KIAA1671: variants seen among roughly 807,000 people sequenced by gnomAD.
KIAA1671 encodes the protein uncharacterized protein KIAA1671.
A neutral mutation model predicts 131.2 loss-of-function variants in KIAA1671; 52 were observed. The ratio of observed to expected loss-of-function variants is 0.40; its 90% CI spans 0.32 to 0.50. The LOEUF is 0.50. Among genes scored for constraint, KIAA1671 ranks in the 20% least tolerant of loss-of-function variants. The pLI is 0.73. For synonymous variants in KIAA1671, 1,003 were observed against 961.6 expected (o/e 1.04, Z -0.80); for missense variants, 2,360 against 2,364.2 (o/e 1.00, Z 0.04).
chr22:25,177,474 C>G lies in KIAA1671; in HGVS notation c.5026C>G (p.Pro1676Ala). 6.4e-7 allele frequency: 1 copy of G among 1,551,726 alleles called. No homozygotes were observed. The highest frequency in any genetic ancestry group is 2.0e-5 in the Admixed American group (1 of 51,008). The change falls in exon 9 of 13, where the codon CCT (proline) becomes GCT (alanine). Residue 1676 changes from proline to alanine, a missense_variant. Transcript: ENST00000358431. Reference protein sequence around the residue: ...SRFSESESRSPLEDETDNTWM... With the variant: ...SRFSESESRSALEDETDNTWM... ...ATTTAGTGAGTCCGAGAGCAGATCA[C>G]CTTTGGAGGATGAGACTGACAACAC...
intron 1 of KIAA1671, among the ~76,000 whole-genome samples, chr22:24,960,654 C>CTTTTTTTTTTTTTTTTTT: frequency 2.8e-5 from 2 of 71,540 alleles, no homozygotes; most frequent in Non-Finnish European, 5.0e-5. Flanking sequence ...TTTTCAGGTT[C>CTTTTTTTTTTTTTTTTTT]TTTTTTTTTT....
chr22:25,128,636 T>C (rs1221263260), intron 6 of KIAA1671, among the ~76,000 whole-genome samples: 1 of 152,090 alleles, frequency 6.6e-6, no homozygotes, highest in Non-Finnish European at 1.5e-5. Flanking sequence ...ACTCCCCTAA[T>C]TGGTACCCTC....
chr22:25,132,716 C>T (rs1044285448), intron 6 of KIAA1671, among the ~76,000 whole-genome samples: 9 of 152,186 alleles, frequency 5.9e-5, no homozygotes, highest in African/African-American at 2.2e-4. Context: ...GTTCTCCTCA[C>T]TTTCACAGCC....
At position 25,177,418 on chromosome 22, in the gene KIAA1671, C is replaced by A; in HGVS notation, c.4970C>A (p.Ala1657Asp). 1 of 1,551,764 alleles carries A rather than the reference C, an allele frequency of 6.4e-7. No homozygotes were observed. Among genetic ancestry groups the A allele is most frequent in the Admixed American group, 2.0e-5 (1 of 51,008 alleles). ...VQLSKRSRRR[A>D]PISHSLRRSR... ...CTCAGCAAGAGAAGCCGCCGCCGGG[C>A]CCCCATCTCCCACTCCCTCCGGCGC... is the stretch of plus-strand genomic sequence containing the variant. Residue 1657 changes from alanine to aspartate, a missense_variant, in exon 9 of 13, where the codon GCC (alanine) becomes GAC (aspartate). This residue lies in a region of KIAA1671 where 1,161 missense variants were observed against 1,204.7 expected (regional missense o/e 0.96). Transcript: ENST00000358431.
Position 25,070,127 on chromosome 22 carries a change from G to A in KIAA1671, c.4530+20763G>A, listed in dbSNP as rs1928733455. The A allele has an allele frequency of 2.2e-5, 8 of 369,696 alleles. No individual in the cohort carries two copies. In the East Asian group the frequency reaches 3.1e-4, roughly 14 times the overall value. The allele number at this position is 369,696 out of a possible 1,614,324, so 22.9% of individuals were successfully genotyped here. Reference sequence around the variant, plus strand: ...CACCCCTGGACCCGCCCCACTGGACGAGAAGCCAGAGATGCCCCGGGCGGG... The same window carrying A: ...CACCCCTGGACCCGCCCCACTGGACAAGAAGCCAGAGATGCCCCGGGCGGG... On this transcript the variant is annotated intron_variant, in intron 6 of 12. Coordinates refer to ENST00000358431, the MANE Select transcript of KIAA1671 (RefSeq NM_001145206.2).
In KIAA1671 at chr22:24,964,571, G is replaced by A. The variant is rs772034926; in HGVS notation, c.-208+11799G>A. 6.3e-4 allele frequency among the ~76,000 whole-genome samples: 96 copies of A among 152,092 alleles called. 1 individual carries two copies. Among genetic ancestry groups the A allele is most frequent in the Non-Finnish European group, 7.8e-4 (53 of 68,014 alleles). On this transcript the variant is annotated intron_variant, in intron 1 of 12. Transcript: ENST00000358431. ...TGAGTAGCTGGGACCAAAGGAATGC[G>A]CCACCATGTCCAGCTAATTAAAAAA... is the stretch of plus-strand genomic sequence containing the variant.
intron 6 of KIAA1671, among the ~76,000 whole-genome samples, chr22:25,135,847 C>T (rs1932654566): frequency 6.6e-6 from 1 of 152,230 alleles, no homozygotes; most frequent in Non-Finnish European, 1.5e-5. Context: ...TGATGGCTGA[C>T]GTGCATTGAG....
intron 6 of KIAA1671, chr22:25,060,730 C>T (rs1928113738): frequency 6.6e-6 from 1 of 152,212 alleles, no homozygotes; most frequent in Non-Finnish European, 1.5e-5. Flanking sequence ...GTTTTACCTG[C>T]CTCATTCTCC....
chr22:25,173,589 C>A (rs983247492), intron 7 of KIAA1671, among the ~76,000 whole-genome samples: 1 of 152,066 alleles, frequency 6.6e-6, no homozygotes, highest in South Asian at 2.1e-4. Flanking sequence ...ACTCTGTACC[C>A]CGGAAACGTG....
intron 1 of KIAA1671, among the ~76,000 whole-genome samples, chr22:24,958,337 T>C (rs910092512): frequency 2.6e-5 from 4 of 151,860 alleles, no homozygotes; most frequent in African/African-American, 9.7e-5. Context: ...CTGGGCAACA[T>C]AGCGAGACTG....
At chr22:25,166,949 GTCC>G (rs1426268112) in intron 6 of KIAA1671, among the ~76,000 whole-genome samples, 1 of 152,180 alleles carries the variant, frequency 6.6e-6, no homozygotes, top group Non-Finnish European at 1.5e-5. Context: ...ACGATGTCTT[GTCC>G]TCCACCAGAA....
chr22:25,118,861 G>T (rs906618309), intron 6 of KIAA1671, among the ~76,000 whole-genome samples: 1 of 151,964 alleles, frequency 6.6e-6, no homozygotes, highest in African/African-American at 2.4e-5. Flanking sequence ...CCTTCCAGAC[G>T]CCAGGACTTT....
At chr22:25,063,865 G>A (rs553895037) in intron 6 of KIAA1671, 1 of 152,246 alleles carries the variant, frequency 6.6e-6, no homozygotes, top group African/African-American at 2.4e-5. Flanking sequence ...GTCCTTGTAG[G>A]TATCTTTAGG....
rs1186828458 is a variant in KIAA1671, at chr22:25,029,395, C to T, written c.1396C>T (p.Pro466Ser). 6.4e-7 allele frequency: 1 copy of T among 1,551,310 alleles called. No homozygotes were observed. The highest frequency in any genetic ancestry group is 1.4e-5 in the African/African-American group (1 of 73,064). Residue 466 changes from proline (P) to serine (S), a missense_variant, in exon 3 of 13, where the codon CCA (proline) becomes TCA (serine). Pro to Ser is a moderately conservative substitution (Grantham distance 74). Coordinates refer to ENST00000358431, the MANE Select transcript of KIAA1671 (RefSeq NM_001145206.2). Reference sequence around the variant, plus strand: ...ATCTCCCCTGGCCACCCCTGCGTCCCCATCGGCGGCACCAGAGCCGGAGAA... The same window carrying T: ...ATCTCCCCTGGCCACCCCTGCGTCCTCATCGGCGGCACCAGAGCCGGAGAA... ...SESPLATPAS[P>S]SAAPEPEKGV...
At chr22:25,006,945 A>G (rs1163322820) in intron 1 of KIAA1671, among the ~76,000 whole-genome samples, 1 of 152,198 alleles carries the variant, frequency 6.6e-6, no homozygotes, top group Non-Finnish European at 1.5e-5. Flanking sequence ...ATGTAAGGCA[A>G]TATATCTGCA....
intron 6 of KIAA1671, chr22:25,064,457 GTCA>G (rs1169569371): frequency 6.6e-6 from 1 of 152,266 alleles, no homozygotes; most frequent in African/African-American, 2.4e-5. Context: ...GGCAGGCACT[GTCA>G]TCATCCTTAT....
At chr22:25,153,187 A>G (rs1306991391) in intron 6 of KIAA1671, among the ~76,000 whole-genome samples, 1 of 152,206 alleles carries the variant, frequency 6.6e-6, no homozygotes, top group Non-Finnish European at 1.5e-5. Context: ...ATATCTGTGC[A>G]TTATACATTG....
At chr22:25,113,103 C>A (rs911480397) in intron 6 of KIAA1671, among the ~76,000 whole-genome samples, 1 of 152,142 alleles carries the variant, frequency 6.6e-6, no homozygotes, top group Non-Finnish European at 1.5e-5. Flanking sequence ...GGCCTGTGTC[C>A]TGCTAGGCGA....
At chr22:25,171,025 T>C (rs767444915) in intron 7 of KIAA1671, 87 bp downstream of exon 7, 3 of 986,480 alleles carry the variant, frequency 3.0e-6, no homozygotes, top group Non-Finnish European at 4.7e-6. Flanking sequence ...ATTTCTATAT[T>C]GCTAAAACCT....
Sources: allele counts gnomAD v4.1 joint callset (sites outside exome capture counted in the v4.1 genomes callset), GRCh38; gene constraint gnomAD v4.1.1; regional missense constraint gnomAD v4.1.1; transcripts MANE v1.5; gene names NCBI Gene and HGNC (gene_info 2026-07-23, HGNC 2026-07-21).